The following DGUOK variants were observed in gnomAD, a reference collection of about 807,000 sequenced individuals.
DGUOK encodes the protein deoxyguanosine kinase.
DGUOK carries 30 observed loss-of-function variants against 36.6 expected under a neutral mutation model. The ratio of observed to expected loss-of-function variants is 0.82; its 90% CI spans 0.61 to 1.11. The LOEUF is 1.11. Ranked by LOEUF, DGUOK falls within the 50% of genes most tolerant of loss-of-function variation. The pLI is 0.00. For synonymous variants in DGUOK, 145 were observed against 126.3 expected, an observed-to-expected ratio of 1.15 and a Z score of -0.99; for missense variants, 361 against 336.4, an observed-to-expected ratio of 1.07 and a Z score of -0.57.
At position 73,927,153 on chromosome 2, in the gene DGUOK, C is replaced by A. The variant is rs948362489; in HGVS notation, c.142+101C>A. On this transcript the variant is annotated intron_variant, in intron 1 of 6. Coordinates refer to ENST00000264093, the MANE Select transcript of DGUOK (RefSeq NM_080916.3). ...CGGAATGGCCTGCGTCTGATGCGGC[C>A]GGCCTCTTTTTCTGGGCTGCGAGGA... 127 of 1,524,520 alleles carry A rather than the reference C, an allele frequency of 8.3e-5. 2 individuals carry two copies. In the Admixed American group the frequency reaches 2.2e-3, roughly 27 times the overall value. 94.4% of individuals were successfully genotyped at this position (1,524,520 alleles called of 1,614,324 possible). A position where few individuals can be genotyped will look rare whatever the true frequency, so the allele number is the denominator to read the frequency against.
chr2:73,932,525 G>A, intron 1 of DGUOK: 1 of 864,786 alleles, frequency 1.2e-6, no homozygotes, highest in Non-Finnish European at 1.6e-6. Context: ...GTGGAAGTTA[G>A]GCATTGGTAC....
At chr2:73,950,080 G>T (rs1324577397) in intron 3 of DGUOK, among the ~76,000 whole-genome samples, 4 of 152,198 alleles carry the variant, frequency 2.6e-5, no homozygotes, top group African/African-American at 9.7e-5. Context: ...TCTTCTGCAT[G>T]TCTCAGCTAA....
chr2:73,952,138 C>T (rs977324987), intron 4 of DGUOK, among the ~76,000 whole-genome samples: 3 of 152,220 alleles, frequency 2.0e-5, no homozygotes, highest in African/African-American at 7.2e-5. Flanking sequence ...CACTATACTC[C>T]AGCCCAGGTG....
chr2:73,958,718 C>A lies in DGUOK; in HGVS notation c.816C>A (p.Thr272=). The A allele has an allele frequency of 6.2e-7, 1 of 1,611,948 alleles. No individual in the cohort carries two copies. Among genetic ancestry groups the A allele is most frequent in the Non-Finnish European group, 8.5e-7 (1 of 1,178,008 alleles). ...TTTTCTCCTTCCCACAGGTAAACAC[C>A]TTTGTAAAGAATCTGTAACCAATAC... is the stretch of plus-strand genomic sequence containing the variant. The part of the protein sequence containing the change: ...KQEDLMREVN[T]FVKNL The change falls in exon 7 of 7, where the codon ACC becomes ACA. Residue 272 remains threonine, a synonymous_variant. Transcript: ENST00000264093.
chr2:73,933,565 C>T (rs1681221966), intron 1 of DGUOK, among the ~76,000 whole-genome samples: 1 of 151,038 alleles, frequency 6.6e-6, no homozygotes, highest in African/African-American at 2.4e-5. Flanking sequence ...TTGTGCTGAG[C>T]AGATGAGTTT....
At chr2:73,930,635 TG>T (rs1171177875) in intron 1 of DGUOK, among the ~76,000 whole-genome samples, 2 of 152,180 alleles carry the variant, frequency 1.3e-5, no homozygotes, top group African/African-American at 4.8e-5. Flanking sequence ...GCTTCTTCCT[TG>T]CTTTCTTGTG....
At chr2:73,932,649 C>G in intron 1 of DGUOK, 1 of 1,295,448 alleles carries the variant, frequency 7.7e-7, no homozygotes, top group Non-Finnish European at 1.0e-6. Flanking sequence ...GAAACCTGAA[C>G]AGGGAAGGTG....
intron 3 of DGUOK, 49 bp from the exon 4 acceptor site, chr2:73,950,536 C>G: frequency 6.2e-7 from 1 of 1,602,430 alleles, no homozygotes; most frequent in Non-Finnish European, 8.5e-7. Context: ...GCCTTTCATT[C>G]CATTTCCCAT....
intron 1 of DGUOK, among the ~76,000 whole-genome samples, chr2:73,930,183 G>T (rs967807625): frequency 2.6e-5 from 4 of 152,216 alleles, no homozygotes; most frequent in Admixed American, 2.0e-4. Flanking sequence ...AGGTCTTTTG[G>T]TTGTGTCTGT....
At chr2:73,933,404 G>A (rs1182845848) in intron 1 of DGUOK, among the ~76,000 whole-genome samples, 2 of 152,162 alleles carry the variant, frequency 1.3e-5, no homozygotes, top group African/African-American at 4.8e-5. Context: ...TAATCCTTTG[G>A]TAAACCAGAG....
chr2:73,946,720 C>T lies in DGUOK; in HGVS notation c.257C>T (p.Ala86Val). 1 of 1,614,050 alleles carries T rather than the reference C, an allele frequency of 6.2e-7. No homozygotes were observed. ...CTTCTTTTTTTCATCTCCCTCTAGG[C>T]CTGCACTGCCCAAAGTCTTGGAAAC... is the stretch of plus-strand genomic sequence containing the variant. ...QNIQAAGTQK[A>V]CTAQSLGNLL... The change falls in exon 3 of 7, where the codon GCC becomes GTC. Residue 86 changes from alanine (A) to valine (V), a missense_variant and splice_region_variant. Ala to Val is a moderately conservative substitution (Grantham distance 64). Coordinates refer to ENST00000264093, the MANE Select transcript of DGUOK (RefSeq NM_080916.3).
intron 2 of DGUOK, among the ~76,000 whole-genome samples, chr2:73,945,618 C>T (rs1420790843): frequency 6.6e-6 from 1 of 152,166 alleles, no homozygotes; most frequent in Non-Finnish European, 1.5e-5. Flanking sequence ...TTTTTCTATA[C>T]CCTTACGGTA....
rs1048075750 is a variant in DGUOK, at chr2:73,950,836, A to G, written c.591+104A>G. ...TGGTTGGAGAGATTAGAGCGTAGAC[A>G]TTACCTGCAGCACAGAGAGCAGTGG... On this transcript the variant is annotated intron_variant, in intron 4 of 6. Transcript: ENST00000264093. The G allele has an allele frequency of 1.1e-5, 16 of 1,467,296 alleles. No individual in the cohort carries two copies. The African/African-American group carries it at 2.2e-4, about 20-fold the overall frequency. The allele number at this position is 1,467,296 out of a possible 1,614,324, so 90.9% of individuals were successfully genotyped here. A position where few individuals can be genotyped will look rare whatever the true frequency, so the allele number is the denominator to read the frequency against.
At chr2:73,934,170 A>G (rs1573513123) in intron 1 of DGUOK, among the ~76,000 whole-genome samples, 2 of 152,338 alleles carry the variant, frequency 1.3e-5, no homozygotes, top group East Asian at 3.9e-4. Flanking sequence ...TTACATAGCT[A>G]TGGTAGGCAT....
chr2:73,941,909 CTT>C (rs11342540), intron 2 of DGUOK, among the ~76,000 whole-genome samples: 29 of 142,514 alleles, frequency 2.0e-4, no homozygotes, highest in Middle Eastern at 3.6e-3. Flanking sequence ...TTGTCATTTT[CTT>C]TTTTTTTTTT....
At chr2:73,946,066 A>AG (rs1397036455) in intron 2 of DGUOK, among the ~76,000 whole-genome samples, 2 of 128,484 alleles carry the variant, frequency 1.6e-5, no homozygotes, top group Non-Finnish European at 3.4e-5. Flanking sequence ...AAAAAAAAAA[A>AG]AAAAAATCCG....
chr2:73,946,987 A>G (rs1682386357), intron 3 of DGUOK, 81 bp downstream of exon 3: 13 of 1,202,466 alleles, frequency 1.1e-5, no homozygotes, highest in South Asian at 7.7e-5. Context: ...CTGCACTGCT[A>G]TGGTCACTGA....
At chr2:73,950,015 A>G (rs1682595782) in intron 3 of DGUOK, among the ~76,000 whole-genome samples, 2 of 152,212 alleles carry the variant, frequency 1.3e-5, no homozygotes, top group African/African-American at 4.8e-5. Flanking sequence ...AGTAATACTG[A>G]AATTAGTAGG....
chr2:73,927,196 A>G (rs1680665666), intron 1 of DGUOK, 144 bp downstream of exon 1: 1 of 1,120,602 alleles, frequency 8.9e-7, no homozygotes, highest in Non-Finnish European at 1.3e-6. Context: ...TCCCCTCGCA[A>G]AGTGCACTGT....
Sources: gnomAD v4.1 joint callset for allele counts (sites outside exome capture counted in the v4.1 genomes callset) on GRCh38, gnomAD v4.1.1 for gene constraint, MANE v1.5 for transcripts, NCBI Gene and HGNC (gene_info 2026-07-23, HGNC 2026-07-21) for gene names.